Variants in HS6ST2 observed in about 807,000 individuals in gnomAD.
The protein encoded by HS6ST2 is heparan-sulfate 6-O-sulfotransferase 2.
A neutral mutation model predicts 33.0 loss-of-function variants in HS6ST2; 17 were observed. The observed-to-expected ratio is 0.52, with a 90% CI of 0.35 to 0.77. The LOEUF is 0.77. Among genes scored for constraint, HS6ST2 ranks in the 30% least tolerant of loss-of-function variants. The pLI is 0.01. For synonymous variants in HS6ST2, 248 were observed against 237.1 expected, an observed-to-expected ratio of 1.05 and a Z score of -0.42; for missense variants, 519 against 551.7, an observed-to-expected ratio of 0.94 and a Z score of 0.59.
chrX:132,738,598 A>G (rs1014115485), intron 2 of HS6ST2, among the ~76,000 whole-genome samples: 9 of 112,713 alleles, frequency 8.0e-5, no homozygotes, highest in Admixed American at 4.7e-4. Context: ...AGAGCAAATA[A>G]CTATCTTATA....
chrX:132,925,899 G>A (rs2066705602), intron 2 of HS6ST2, among the ~76,000 whole-genome samples: 2 of 111,652 alleles, frequency 1.8e-5, no homozygotes, highest in African/African-American at 6.5e-5. Flanking sequence ...GTCCCATGAG[G>A]TAGCATTCTC....
chrX:132,692,006 T>C (rs1483096457), intron 3 of HS6ST2, among the ~76,000 whole-genome samples: 1 of 112,060 alleles, frequency 8.9e-6, no homozygotes, highest in Non-Finnish European at 1.9e-5. Flanking sequence ...GAAAAGTATC[T>C]GTTTTCAAGT....
Position 132,705,188 on chromosome X carries a change from CGTGT to C in HS6ST2, c.980+3270_980+3273del, listed in dbSNP as rs59172290. On this transcript the variant is annotated intron_variant, in intron 3 of 4. Transcript: ENST00000370833. ...GGGGGAGGGAGAAGATGTGGGCACG[CGTGT>C]GTGTGTGTGTGTGTGTGTGTGTGTA... Among the ~76,000 whole-genome samples, 232 of 102,743 alleles carry C rather than the reference CGTGT, an allele frequency of 2.3e-3. 3 individuals carry two copies. The highest frequency in any genetic ancestry group is 4.9e-3 in the Middle Eastern group (1 of 205). The allele number at this position is 102,743 out of a possible 115,157, so 89.2% of individuals were successfully genotyped here.
chrX:132,837,115 G>A (rs1028862858), intron 2 of HS6ST2, among the ~76,000 whole-genome samples: 3 of 111,948 alleles, frequency 2.7e-5, no homozygotes, highest in Non-Finnish European at 5.6e-5. Context: ...CGCCTAGAAA[G>A]CATTTTGCAG....
At chrX:132,684,348 G>A (rs1255803134) in intron 3 of HS6ST2, among the ~76,000 whole-genome samples, 1 of 104,953 alleles carries the variant, frequency 9.5e-6, no homozygotes, top group Non-Finnish European at 1.9e-5. Flanking sequence ...TATATAGAGA[G>A]ACATTTTAAA....
At chrX:132,804,125 G>A (rs896220326) in intron 2 of HS6ST2, among the ~76,000 whole-genome samples, 8 of 112,364 alleles carry the variant, frequency 7.1e-5, no homozygotes, top group Non-Finnish European at 1.1e-4. Context: ...GCCTATGCCT[G>A]TTATAAAAGT....
At position 132,689,063 on chromosome X, in the gene HS6ST2, TTACCTCCTGGTCATCTGTCCCA is replaced by T. The variant is rs751696141; in HGVS notation, c.980+19377_980+19398del. On this transcript the variant is annotated intron_variant, in intron 3 of 4. Transcript: ENST00000370833. ...CAATACTGATCCTCAACCCCTTCAT[TTACCTCCTGGTCATCTGTCCCA>T]TACCTCCTGGTCATCTGTCCCAAGC... Among the ~76,000 whole-genome samples the T allele has an allele frequency of 1.2e-3, 139 of 112,045 alleles. 1 individual carries two copies. The highest frequency in any genetic ancestry group is 2.3e-3 in the Non-Finnish European group (122 of 53,214).
intron 4 of HS6ST2, among the ~76,000 whole-genome samples, chrX:132,631,983 G>A (rs1430653805): frequency 1.8e-5 from 2 of 110,781 alleles, no homozygotes; most frequent in East Asian, 5.7e-4. Flanking sequence ...TTTCAGAGAG[G>A]GTCTCTCATG....
At chrX:132,792,055 G>C (rs150422200) in intron 2 of HS6ST2, among the ~76,000 whole-genome samples, 1,370 of 112,154 alleles carry the variant, frequency 0.012, 8 homozygotes, top group Non-Finnish European at 0.019. Context: ...TTCATTAATA[G>C]AATATCTGCA....
intron 2 of HS6ST2, among the ~76,000 whole-genome samples, chrX:132,792,542 G>A: frequency 8.9e-6 from 1 of 112,068 alleles, no homozygotes; most frequent in Non-Finnish European, 1.9e-5. Flanking sequence ...CATTTAAAGT[G>A]TAAAATTTGA....
chrX:132,956,417 C>T, intron 2 of HS6ST2, among the ~76,000 whole-genome samples: 1 of 111,105 alleles, frequency 9.0e-6, no homozygotes, highest in East Asian at 2.9e-4. Context: ...ACTTCGGAAC[C>T]CGGGTGCAGA....
intron 4 of HS6ST2, among the ~76,000 whole-genome samples, chrX:132,665,377 G>T (rs1211697519): frequency 8.9e-6 from 1 of 111,849 alleles, no homozygotes; most frequent in East Asian, 2.8e-4. Flanking sequence ...TGTCTAGGCT[G>T]CCCTCTGCTA....
intron 2 of HS6ST2, among the ~76,000 whole-genome samples, chrX:132,836,152 C>T (rs774981133): frequency 5.4e-5 from 6 of 111,151 alleles, no homozygotes; most frequent in Non-Finnish European, 1.1e-4. Context: ...CTTCCAGATG[C>T]CCATAGTACT....
At chrX:132,825,711 T>C (rs193248171) in intron 2 of HS6ST2, among the ~76,000 whole-genome samples, 78 of 112,052 alleles carry the variant, frequency 7.0e-4, no homozygotes, top group African/African-American at 2.4e-3. Flanking sequence ...ATCAGGAACA[T>C]GCTAGCTGCG....
At chrX:132,831,777 G>GATGAATCT (rs2065592497) in intron 2 of HS6ST2, among the ~76,000 whole-genome samples, 2 of 112,091 alleles carry the variant, frequency 1.8e-5, no homozygotes, top group African/African-American at 6.5e-5. Context: ...AAAGCAACAG[G>GATGAATCT]ATGAATCTGA....
chrX:132,953,340 C>T (rs181416140), intron 2 of HS6ST2, among the ~76,000 whole-genome samples: 7 of 108,971 alleles, frequency 6.4e-5, no homozygotes, highest in Middle Eastern at 4.7e-3. Context: ...TAATAAACAA[C>T]TTGAGCCTTT....
chrX:132,879,581 T>A (rs1185576996), intron 2 of HS6ST2, among the ~76,000 whole-genome samples: 1 of 112,034 alleles, frequency 8.9e-6, no homozygotes, highest in African/African-American at 3.2e-5. Flanking sequence ...AGCACAGGGT[T>A]TCTCTCAAGG....
chrX:132,957,333 G>C lies in HS6ST2; in HGVS notation c.429-7C>G. Reference sequence around the variant, plus strand: ...CTCATCCATGTTCCCGACGCTGGGGGAAACCCAAGCTCGTTACGTCAATCC... The same window carrying C: ...CTCATCCATGTTCCCGACGCTGGGGCAAACCCAAGCTCGTTACGTCAATCC... On this transcript the variant is annotated splice_region_variant and splice_polypyrimidine_tract_variant and intron_variant, in intron 1 of 4. Coordinates refer to ENST00000370833, the MANE Select transcript of HS6ST2 (RefSeq NM_001394073.1). 3.5e-6 allele frequency: 4 copies of C among 1,153,637 alleles called. No homozygotes were observed. The highest frequency in any genetic ancestry group is 4.6e-6 in the Non-Finnish European group (4 of 866,079).
intron 2 of HS6ST2, among the ~76,000 whole-genome samples, chrX:132,804,716 T>C (rs1282494729): frequency 9.0e-6 from 1 of 111,391 alleles, no homozygotes; most frequent in Non-Finnish European, 1.9e-5. Flanking sequence ...GGAGGATTGC[T>C]TGAGCCCGGG....
Sources: allele counts gnomAD v4.1 joint callset (sites outside exome capture counted in the v4.1 genomes callset), GRCh38; gene constraint gnomAD v4.1.1; transcripts MANE v1.5; gene names NCBI Gene and HGNC (gene_info 2026-07-23, HGNC 2026-07-21).